RFX7: variants seen among roughly 807,000 people sequenced by gnomAD.
The protein encoded by RFX7 is DNA-binding protein RFX7.
A neutral mutation model predicts 111.8 loss-of-function variants in RFX7; 26 were observed. The observed-to-expected ratio is 0.23, with a 90% CI of 0.17 to 0.32. The LOEUF is 0.32. Among genes scored for constraint, RFX7 ranks in the 10% least tolerant of loss-of-function variants. The pLI is 1.00. For missense variants in RFX7, 1,573 were observed against 1,772.9 expected (o/e 0.89, Z 2.02); for synonymous variants, 624 against 624.4 (o/e 1.00, Z 0.01).
rs1310600689 is a variant in RFX7, at chr15:56,088,995, G to A, written c.*4350C>T. On this transcript the variant is annotated 3_prime_UTR_variant, in exon 10 of 10. Transcript: ENST00000559447. Reference sequence around the variant, plus strand: ...TCATCTTACCTAGCTATTTTTTGCAGTGACCACTACTGGTTGCCTCCCAAA... The same window carrying A: ...TCATCTTACCTAGCTATTTTTTGCAATGACCACTACTGGTTGCCTCCCAAA... The A allele has an allele frequency of 6.6e-6, 1 of 152,160 alleles. No individual in the cohort carries two copies. The highest frequency in any genetic ancestry group is 1.9e-4 in the East Asian group (1 of 5,194). The allele number at this position is 152,160 out of a possible 1,614,324, so 9.4% of individuals were successfully genotyped here.
intron 2 of RFX7, among the ~76,000 whole-genome samples, chr15:56,242,840 A>C (rs111226902): frequency 0.017 from 2,629 of 152,262 alleles, 77 homozygotes; most frequent in African/African-American, 0.061. Context: ...ATTTCGACCC[A>C]TATTTCTGTT....
Position 56,205,110 on chromosome 15 carries a change from A to G in RFX7, c.162-25807T>C, listed in dbSNP as rs1272736530. Reference sequence around the variant, plus strand: ...TAAGACAAAGCACATACTCCAAAAAATATTGTCTAATTTCTCCAAATCCCT... The same window carrying G: ...TAAGACAAAGCACATACTCCAAAAAGTATTGTCTAATTTCTCCAAATCCCT... On this transcript the variant is annotated intron_variant, in intron 2 of 9. Coordinates refer to ENST00000559447, the MANE Select transcript of RFX7 (RefSeq NM_022841.7). Among the ~76,000 whole-genome samples the G allele has an allele frequency of 2.0e-5, 3 of 152,218 alleles. No homozygotes were observed. In the East Asian group the frequency reaches 5.8e-4, roughly 29 times the overall value.
At position 56,094,543 on chromosome 15, in the gene RFX7, A is replaced by G; in HGVS notation, c.3185T>C (p.Leu1062Pro). 1 of 1,613,866 alleles carries G rather than the reference A, an allele frequency of 6.2e-7. No homozygotes were observed. The highest frequency in any genetic ancestry group is 8.5e-7 in the Non-Finnish European group (1 of 1,179,862). ...PMATHPDKTK[L>P]EWMNNGYSGV... ...ACTATACCCATTATTCATCCATTCA[A>G]GCTTGGTTTTGTCAGGGTGTGTGGC... The change falls in exon 10 of 10, where the codon CTT becomes CCT. Residue 1062 changes from leucine to proline, a missense_variant. Transcript: ENST00000559447.
At position 56,095,632 on chromosome 15, in the gene RFX7, A is replaced by G. The variant is rs1201606234; in HGVS notation, c.2096T>C (p.Val699Ala). The change falls in exon 10 of 10, where the codon GTT becomes GCT. Residue 699 changes from valine (V) to alanine (A), a missense_variant. By Grantham distance (64) the Val-to-Ala change is moderately conservative (BLOSUM62 0). Around this residue, in one of 7 missense-constraint regions of RFX7, gnomAD observed 625 missense variants for 632.2 expected, o/e 0.99. Transcript: ENST00000559447. ...ACCTTCTGTTTTCCCTGAATGTGGAACCTTTTGGTCCTTCTTAACACTGCC... is the reference window on the plus strand; with the variant it reads ...ACCTTCTGTTTTCCCTGAATGTGGAGCCTTTTGGTCCTTCTTAACACTGCC... ...KQGSVKKDQK[V>A]PHSGKTEGST... is the part of the protein sequence containing the mutation. The G allele has an allele frequency of 6.2e-7, 1 of 1,613,930 alleles. No homozygotes were observed. The highest frequency in any genetic ancestry group is 1.1e-5 in the South Asian group (1 of 91,078).
chr15:56,143,779 TAC>T (rs1567025508), intron 4 of RFX7, among the ~76,000 whole-genome samples: 1 of 152,186 alleles, frequency 6.6e-6, no homozygotes. Flanking sequence ...TATTTCTATA[TAC>T]AGTTTTAAAA....
intron 5 of RFX7, among the ~76,000 whole-genome samples, chr15:56,134,997 C>A (rs2042277997): frequency 6.6e-6 from 1 of 152,188 alleles, no homozygotes; most frequent in Non-Finnish European, 1.5e-5. Flanking sequence ...GCCACATTTT[C>A]TTAATCCGGT....
At chr15:56,155,127 C>G (rs943545209) in intron 3 of RFX7, among the ~76,000 whole-genome samples, 5 of 152,156 alleles carry the variant, frequency 3.3e-5, no homozygotes, top group Non-Finnish European at 7.3e-5. Flanking sequence ...CAGGAAACAA[C>G]AGATTCTGGA....
chr15:56,157,476 T>C (rs1182677977), intron 3 of RFX7, among the ~76,000 whole-genome samples: 1 of 152,248 alleles, frequency 6.6e-6, no homozygotes. Flanking sequence ...TTGTGCTACA[T>C]CTATATCATG....
chr15:56,222,117 G>T (rs1204377146), intron 2 of RFX7, among the ~76,000 whole-genome samples: 1 of 152,124 alleles, frequency 6.6e-6, no homozygotes, highest in African/African-American at 2.4e-5. Flanking sequence ...TTACATTTCA[G>T]AAATATATTT....
intron 6 of RFX7, among the ~76,000 whole-genome samples, chr15:56,103,017 T>C (rs1458692226): frequency 6.6e-6 from 1 of 152,102 alleles, no homozygotes; most frequent in Non-Finnish European, 1.5e-5. Flanking sequence ...TATTTCTCCA[T>C]CACAAGAAGG....
chr15:56,143,290 A>G (rs1261311815), intron 4 of RFX7, among the ~76,000 whole-genome samples: 1 of 151,916 alleles, frequency 6.6e-6, no homozygotes, highest in Admixed American at 6.6e-5. Context: ...GCATTCTCAT[A>G]TAATATATAT....
chr15:56,093,301 C>T lies in RFX7; in HGVS notation c.*44G>A. 6.8e-7 allele frequency: 1 copy of T among 1,472,950 alleles called. No individual in the cohort carries two copies. The highest frequency in any genetic ancestry group is 9.2e-7 in the Non-Finnish European group (1 of 1,087,626). The allele number at this position is 1,472,950 out of a possible 1,614,324, so 91.2% of individuals were successfully genotyped here. A position where few individuals can be genotyped will look rare whatever the true frequency, so the allele number is the denominator to read the frequency against. ...CACTTCCATTAAGACAAATACAATACATATGTCTTTAGATACAGTGTGCTA... is the reference window on the plus strand; with the variant it reads ...CACTTCCATTAAGACAAATACAATATATATGTCTTTAGATACAGTGTGCTA... On this transcript the variant is annotated 3_prime_UTR_variant, in exon 10 of 10. Transcript: ENST00000559447.
Position 56,096,414 on chromosome 15 carries a change from G to A in RFX7, c.1314C>T (p.Asn438=). The A allele has an allele frequency of 6.2e-7, 1 of 1,613,862 alleles. No individual in the cohort carries two copies. The highest frequency in any genetic ancestry group is 8.5e-7 in the Non-Finnish European group (1 of 1,179,852). The change falls in exon 10 of 10, where the codon AAC becomes AAT. Residue 438 remains asparagine, a synonymous_variant. Coordinates refer to ENST00000559447, the MANE Select transcript of RFX7 (RefSeq NM_022841.7). ...RYPQILPKPA[N]TSALTIRSPT... is the part of the protein sequence containing the mutation. ...GAGAGCGAATGGTGAGTGCACTGGT[G>A]TTCGCTGGTTTGGGTAAGATCTGAG...
At chr15:56,138,497 G>T (rs1163283250) in intron 5 of RFX7, among the ~76,000 whole-genome samples, 1 of 148,680 alleles carries the variant, frequency 6.7e-6, no homozygotes, top group Non-Finnish European at 1.5e-5. Flanking sequence ...TTTATTTTGA[G>T]CCTATGTGTG....
chr15:56,219,792 T>A (rs1421378637), intron 2 of RFX7, among the ~76,000 whole-genome samples: 1 of 152,216 alleles, frequency 6.6e-6, no homozygotes, highest in Non-Finnish European at 1.5e-5. Flanking sequence ...TGATTCCATG[T>A]CTTTGTTATT....
Position 56,095,962 on chromosome 15 carries a change from T to A in RFX7, c.1766A>T (p.Glu589Val). ...GTCACAGACCTTAGTTGCTTTTATT[T>A]CAATGACACCTTCATTTGAAGGTTT... ...LQKPSNEGVI[E>V]IKATKVCDQR... Residue 589 changes from glutamate to valine, a missense_variant, in exon 10 of 10, where the codon GAA becomes GTA. This residue lies in a region of RFX7 where 625 missense variants were observed against 632.2 expected (regional missense o/e 0.99). Transcript: ENST00000559447. 1 of 1,609,470 alleles carries A rather than the reference T, an allele frequency of 6.2e-7. No homozygotes were observed. Among genetic ancestry groups the A allele is most frequent in the Non-Finnish European group, 8.5e-7 (1 of 1,179,616 alleles).
rs138276294 is a variant in RFX7 at position 56,116,349 on chromosome 15, C to T, written c.402-12679G>A. 3.9e-4 allele frequency among the ~76,000 whole-genome samples: 60 copies of T among 152,292 alleles called. 1 individual carries two copies. In the East Asian group the frequency reaches 0.01, roughly 26 times the overall value. ...TAAATAAGTGGTTCTTTACTGATGA[C>T]TCAAGTAGAATTTCATGCAGTCAGT... is the stretch of plus-strand genomic sequence containing the variant. On this transcript the variant is annotated intron_variant, in intron 5 of 9. Transcript: ENST00000559447.
chr15:56,151,745 A>G (rs2042572113), intron 3 of RFX7, among the ~76,000 whole-genome samples: 1 of 152,226 alleles, frequency 6.6e-6, no homozygotes, highest in African/African-American at 2.4e-5. Flanking sequence ...AAATGCCCCA[A>G]TTAAAAGACA....
chr15:56,103,129 A>AT (rs11336124), intron 6 of RFX7, among the ~76,000 whole-genome samples: 8,427 of 94,502 alleles, frequency 0.089, 480 homozygotes, highest in East Asian at 0.17. Context: ...GTTCCATAAG[A>AT]TTTTTTTTTT....
Sources: gnomAD v4.1 joint callset for allele counts (sites outside exome capture counted in the v4.1 genomes callset) on GRCh38, gnomAD v4.1.1 for gene constraint, gnomAD v4.1.1 regional missense constraint, MANE v1.5 for transcripts, NCBI Gene and HGNC (gene_info 2026-07-23, HGNC 2026-07-21) for gene names.